Variants in ABCC11 observed in about 807,000 individuals in gnomAD.
The protein encoded by ABCC11 is ATP-binding cassette sub-family C member 11.
Under a neutral mutation model 149.3 loss-of-function variants are expected in ABCC11, and 135 were observed. That is an observed-to-expected ratio of 0.90 (90% CI 0.79 to 1.04). ABCC11 has a LOEUF of 1.04. Among genes scored for constraint, ABCC11 ranks in the 50% least tolerant of loss-of-function variants. The probability of loss-of-function intolerance (pLI) is 0.00; values close to 1 mark genes in which losing one functional copy is unlikely to be tolerated. For synonymous variants in ABCC11, 665 were observed against 671.4 expected (o/e 0.99, Z 0.15); for missense variants, 1,680 against 1,722.1 (o/e 0.98, Z 0.43).
chr16:48,215,099 C>A, intron 8 of ABCC11, 70 bp from the exon 9 acceptor site: 1 of 1,587,300 alleles, frequency 6.3e-7, no homozygotes, highest in Non-Finnish European at 8.6e-7. Flanking sequence ...AGCACCATCC[C>A]CAAAGCATTA....
intron 12 of ABCC11, among the ~76,000 whole-genome samples, chr16:48,205,849 C>T (rs1287445308): frequency 2.7e-5 from 4 of 147,874 alleles, no homozygotes; most frequent in South Asian, 2.1e-4. Flanking sequence ...CTCGCTCTGT[C>T]GCCCAGGCTG....
At chr16:48,215,141 G>A (rs1416534680) in intron 8 of ABCC11, 56 bp downstream of exon 8, 10 of 1,593,512 alleles carry the variant, frequency 6.3e-6, no homozygotes, top group African/African-American at 1.3e-5. Flanking sequence ...AGGTGAGAGG[G>A]GCTCGGCTTA....
intron 1 of ABCC11, among the ~76,000 whole-genome samples, chr16:48,247,089 G>A (rs1971430769): frequency 6.6e-6 from 1 of 152,308 alleles, no homozygotes; most frequent in South Asian, 2.1e-4. Context: ...GAACTCATCA[G>A]ACCATCTAGT....
At position 48,167,020 on chromosome 16, in the gene ABCC11, T is replaced by C; in HGVS notation, c.*254A>G. On this transcript the variant is annotated 3_prime_UTR_variant, in exon 30 of 30. Transcript: ENST00000356608. ...CCTTATTATAAAATTATTCAGCATG[T>C]AAGTTAAAAGGAGAACCACATGATC... The C allele has an allele frequency of 2.1e-6, 1 of 484,654 alleles. No individual in the cohort carries two copies. Among genetic ancestry groups the C allele is most frequent in the Admixed American group, 3.6e-5 (1 of 27,440 alleles). 30.0% of individuals were successfully genotyped at this position (484,654 alleles called of 1,614,324 possible). A position where few individuals can be genotyped will look rare whatever the true frequency, so the allele number is the denominator to read the frequency against.
chr16:48,204,316 G>A (rs1968250718), intron 13 of ABCC11, among the ~76,000 whole-genome samples: 1 of 152,194 alleles, frequency 6.6e-6, no homozygotes, highest in Non-Finnish European at 1.5e-5. Flanking sequence ...TCTTACGCGG[G>A]GTGGAACAGA....
At chr16:48,173,591 C>T (rs1335472322) in intron 26 of ABCC11, among the ~76,000 whole-genome samples, 5 of 152,168 alleles carry the variant, frequency 3.3e-5, no homozygotes, top group Non-Finnish European at 7.3e-5. Flanking sequence ...TCTTATCATT[C>T]CCCTAACACA....
At chr16:48,236,780 C>T (rs1023700987) in intron 1 of ABCC11, among the ~76,000 whole-genome samples, 3 of 152,152 alleles carry the variant, frequency 2.0e-5, no homozygotes, top group African/African-American at 7.2e-5. Context: ...TAAACTTGGG[C>T]CTATTCCCAC....
At chr16:48,231,239 T>G (rs1314397043) in intron 2 of ABCC11, among the ~76,000 whole-genome samples, 3 of 151,918 alleles carry the variant, frequency 2.0e-5, no homozygotes, top group African/African-American at 7.3e-5. Context: ...AAATAGGTAA[T>G]AGGTGATAGA....
Position 48,222,842 on chromosome 16 carries a change from A to G in ABCC11, c.544-11T>C. 7 of 1,604,754 alleles carry G rather than the reference A, an allele frequency of 4.4e-6. No homozygotes were observed. The highest frequency in any genetic ancestry group is 6.0e-6 in the Non-Finnish European group (7 of 1,172,048). ...TGGTATAATCAATATCTACAAGGAA[A>G]TGGGAGTTTGGATCATTCAGACCAC... On this transcript the variant is annotated splice_polypyrimidine_tract_variant and intron_variant, in intron 5 of 29. Coordinates refer to ENST00000356608, the MANE Select transcript of ABCC11 (RefSeq NM_001370497.1).
chr16:48,205,677 G>T (rs908803324), intron 12 of ABCC11, 140 bp from the exon 13 acceptor site: 4 of 1,104,420 alleles, frequency 3.6e-6, no homozygotes, highest in Non-Finnish European at 5.0e-6. Flanking sequence ...TTTTAATGTG[G>T]CCCTACCAGG....
chr16:48,206,364 T>G (rs556951592), intron 12 of ABCC11, among the ~76,000 whole-genome samples: 2 of 152,312 alleles, frequency 1.3e-5, no homozygotes, highest in East Asian at 1.9e-4. Context: ...AAGGTAAATA[T>G]GCAAAAACTA....
At position 48,208,475 on chromosome 16, in the gene ABCC11, C is replaced by T. The variant is rs141265467; in HGVS notation, c.1630G>A (p.Gly544Ser). The change falls in exon 12 of 30, where the codon GGC becomes AGC. Residue 544 changes from glycine (G) to serine (S), a missense_variant. By Grantham distance (56) the Gly-to-Ser change is moderately conservative. Transcript: ENST00000356608. The stretch of plus-strand genomic sequence containing the variant: ...CTGCTCTTACCACTCCCCGTGTTGC[C>T]GCAGACCCCTAACATCATCCCCTGC... ...VSKGMMLGVC[G>S]NTGSGKSSLL... The T allele has an allele frequency of 5.0e-5, 81 of 1,614,146 alleles. No individual in the cohort carries two copies. Among genetic ancestry groups the T allele is most frequent in the East Asian group, 2.2e-4 (10 of 44,880 alleles).
intron 1 of ABCC11, among the ~76,000 whole-genome samples, chr16:48,236,224 T>A (rs901118588): frequency 3.3e-5 from 5 of 152,188 alleles, no homozygotes; most frequent in Non-Finnish European, 5.9e-5. Context: ...CTCCTCAATT[T>A]CAGAAGCTAG....
chr16:48,167,701 C>A (rs762844378), intron 28 of ABCC11, 41 bp from the exon 29 acceptor site: 8 of 1,606,924 alleles, frequency 5.0e-6, no homozygotes, highest in Non-Finnish European at 6.8e-6. Flanking sequence ...CTACTTCAGG[C>A]CCTAGAGACC....
intron 1 of ABCC11, among the ~76,000 whole-genome samples, chr16:48,237,864 A>G (rs185901787): frequency 3.0e-4 from 45 of 152,252 alleles, no homozygotes; most frequent in African/African-American, 1.1e-3. Context: ...TAATCTTTGC[A>G]TTGATTTATG....
chr16:48,198,079 G>T lies in ABCC11; in HGVS notation c.2218-12C>A. 1.2e-6 allele frequency: 2 copies of T among 1,614,206 alleles called. No individual in the cohort carries two copies. Among genetic ancestry groups the T allele is most frequent in the Non-Finnish European group, 1.7e-6 (2 of 1,180,046 alleles). ...TCCTGCAACATGTCCTGGGGAGAGA[G>T]CACAGGCCCTGAGTACACGTGCGTC... On this transcript the variant is annotated splice_polypyrimidine_tract_variant and intron_variant, in intron 16 of 29. Transcript: ENST00000356608.
At chr16:48,198,327 G>T in intron 15 of ABCC11, 52 bp from the exon 16 acceptor site, 1 of 1,545,636 alleles carries the variant, frequency 6.5e-7, no homozygotes, top group Non-Finnish European at 8.9e-7. Context: ...AAAGATGTTT[G>T]ATTTTACTAT....
rs1055640422 is a variant in ABCC11 at position 48,187,409 on chromosome 16, T to C, written c.2725A>G (p.Ser909Gly). Reference sequence around the variant, plus strand: ...CCTATTGGGATGGTGTCAAAGAAACTCATGGGGCAGCGGAAAACCTGCAGG... The same window carrying C: ...CCTATTGGGATGGTGTCAAAGAAACCCATGGGGCAGCGGAAAACCTGCAGG... ...LFNKVFRCPM[S>G]FFDTIPIGRL... The change falls in exon 21 of 30, where the codon AGT becomes GGT. Residue 909 changes from serine to glycine, a missense_variant. Coordinates refer to ENST00000356608, the MANE Select transcript of ABCC11 (RefSeq NM_001370497.1). 1.9e-6 allele frequency: 3 copies of C among 1,613,116 alleles called. No individual in the cohort carries two copies. The highest frequency in any genetic ancestry group is 2.5e-6 in the Non-Finnish European group (3 of 1,179,536).
intron 26 of ABCC11, 135 bp downstream of exon 26, chr16:48,175,122 AG>A: frequency 9.0e-7 from 1 of 1,106,592 alleles, no homozygotes; most frequent in Non-Finnish European, 1.3e-6. Context: ...TAAGCCAGGT[AG>A]GCATGAGTGG....
Sources: allele counts gnomAD v4.1 joint callset (sites outside exome capture counted in the v4.1 genomes callset), GRCh38; gene constraint gnomAD v4.1.1; transcripts MANE v1.5; gene names NCBI Gene and HGNC (gene_info 2026-07-23, HGNC 2026-07-21).